Variants in CDH4 observed in about 807,000 individuals in gnomAD.
The protein encoded by CDH4 is cadherin 4, also known as cadherin-4.
A neutral mutation model predicts 86.0 loss-of-function variants in CDH4; 33 were observed. That is an observed-to-expected ratio of 0.38 (90% CI 0.29 to 0.51). CDH4 has a LOEUF of 0.51. CDH4 is among the 20% of genes least tolerant of loss of function. The pLI, the probability that CDH4 is intolerant of heterozygous loss-of-function variation, is 0.86. For missense variants in CDH4, 1,114 were observed against 1,307.4 expected (o/e 0.85, Z 2.28); for synonymous variants, 555 against 549.4 (o/e 1.01, Z -0.14).
At chr20:61,700,684 C>T (rs1016491293) in intron 2 of CDH4, among the ~76,000 whole-genome samples, 2 of 152,122 alleles carry the variant, frequency 1.3e-5, no homozygotes, top group African/African-American at 4.8e-5. Flanking sequence ...CATACGGCCT[C>T]CCTGTGGGGC....
At chr20:61,319,409 A>G (rs1600862562) in intron 2 of CDH4, among the ~76,000 whole-genome samples, 1 of 152,114 alleles carries the variant, frequency 6.6e-6, no homozygotes, top group Non-Finnish European at 1.5e-5. Flanking sequence ...AGTGCATCAC[A>G]TGTGCAGCCT....
rs866374333 is a variant in CDH4, at chr20:61,392,258, C to T, written c.169+137321C>T. ...ATGCTGCCTCTGGGCTGGGGAGGGACAGGAACCCGAGGCAGATCCTTCCAC... is the reference window on the plus strand; with the variant it reads ...ATGCTGCCTCTGGGCTGGGGAGGGATAGGAACCCGAGGCAGATCCTTCCAC... On this transcript the variant is annotated intron_variant, in intron 2 of 15. Transcript: ENST00000614565. This position sits in a 1 kb window ranked among gnomAD's most constrained non-coding sequence, Gnocchi z 5.7. 1.3e-5 allele frequency among the ~76,000 whole-genome samples: 2 copies of T among 152,044 alleles called. No individual in the cohort carries two copies. Among genetic ancestry groups the T allele is most frequent in the South Asian group, 2.1e-4 (1 of 4,766 alleles).
intron 3 of CDH4, among the ~76,000 whole-genome samples, chr20:61,750,624 G>A (rs1455229773): frequency 6.6e-6 from 1 of 152,126 alleles, no homozygotes; most frequent in Non-Finnish European, 1.5e-5. Context: ...ATCCTTATAG[G>A]GAGGATACAC....
chr20:61,858,795 A>G (rs528293824), intron 6 of CDH4, among the ~76,000 whole-genome samples: 50 of 152,272 alleles, frequency 3.3e-4, no homozygotes, highest in African/African-American at 1.2e-3. Context: ...ACCGCGGCTT[A>G]TGAGCCATCC....
intron 2 of CDH4, among the ~76,000 whole-genome samples, chr20:61,549,383 C>A (rs1485409573): frequency 6.6e-6 from 1 of 152,182 alleles, no homozygotes; most frequent in Non-Finnish European, 1.5e-5. Context: ...AAAGGCTCTT[C>A]AGACCCACAC....
At chr20:61,414,665 C>T (rs879307541) in intron 2 of CDH4, among the ~76,000 whole-genome samples, 2 of 152,180 alleles carry the variant, frequency 1.3e-5, no homozygotes, top group Non-Finnish European at 2.9e-5. Context: ...TAAACAGGGG[C>T]TTGCTGGCAG....
chr20:61,668,177 C>G (rs991794106), intron 2 of CDH4, among the ~76,000 whole-genome samples: 2 of 152,198 alleles, frequency 1.3e-5, no homozygotes, highest in Non-Finnish European at 2.9e-5. Context: ...CCAGGGAAGC[C>G]GAGCTTTTAT....
intron 2 of CDH4, among the ~76,000 whole-genome samples, chr20:61,661,329 G>C (rs1037633229): frequency 6.6e-6 from 1 of 152,218 alleles, no homozygotes; most frequent in African/African-American, 2.4e-5. Context: ...CATAAGTCTT[G>C]TGTTTTCAGC....
intron 2 of CDH4, among the ~76,000 whole-genome samples, chr20:61,477,921 C>T (rs924827055): frequency 3.3e-5 from 5 of 152,160 alleles, no homozygotes; most frequent in African/African-American, 7.2e-5. Flanking sequence ...AATCATCCCT[C>T]TCTCTCTCCG....
rs2088542990 is a variant in CDH4 at position 61,754,896 on chromosome 20, C to G, written c.396+11107C>G. On this transcript the variant is annotated intron_variant, in intron 3 of 15. Transcript: ENST00000614565. This position sits in a 1 kb window ranked among gnomAD's most constrained non-coding sequence, Gnocchi z 4.7. ...ACACCACACATATACCCTGCACATA[C>G]CACACACAGAGTGCGTGCCTGTATT... 6.6e-6 allele frequency: 1 copy of G among 151,882 alleles called. No homozygotes were observed. Among genetic ancestry groups the G allele is most frequent in the Admixed American group, 6.6e-5 (1 of 15,054 alleles). The allele number at this position is 151,882 out of a possible 1,614,324, so 9.4% of individuals were successfully genotyped here.
chr20:61,535,372 T>A (rs2085988800), intron 2 of CDH4, among the ~76,000 whole-genome samples: 1 of 152,034 alleles, frequency 6.6e-6, no homozygotes, highest in South Asian at 2.1e-4. Context: ...TGGGCACGGA[T>A]CCCATCCCCA....
At chr20:61,876,703 G>A (rs987992291) in intron 7 of CDH4, among the ~76,000 whole-genome samples, 43 of 152,076 alleles carry the variant, frequency 2.8e-4, no homozygotes, top group African/African-American at 9.4e-4. Context: ...GTTTCGTGTC[G>A]GTCCGCCCTC....
chr20:61,767,760 G>A (rs2088717487), intron 3 of CDH4, among the ~76,000 whole-genome samples: 1 of 152,176 alleles, frequency 6.6e-6, no homozygotes, highest in African/African-American at 2.4e-5. Flanking sequence ...TGTGGGGTAT[G>A]GGACACTGCA....
At chr20:61,475,544 C>CTCTCTCTTTCCA (rs2145573221) in intron 2 of CDH4, among the ~76,000 whole-genome samples, 1 of 1,148 alleles carries the variant, frequency 8.7e-4, no homozygotes, top group Admixed American at 0.011. Context: ...CCCTCCCTCT[C>CTCTCTCTTTCCA]TCCCTGCCCC....
In CDH4 at chr20:61,807,112, G is replaced by GCAGCCCCGC. The variant is rs1213281362; in HGVS notation, c.576+33938_576+33946dup. ...CTGATCTATGAGCTCCCAGGGCCCC[G>GCAGCCCCGC]CAGCCCCGCCAGCCCCCAGCTGCAA... On this transcript the variant is annotated intron_variant, in intron 4 of 15. Transcript: ENST00000614565. This position sits in a 1 kb window ranked among gnomAD's most constrained non-coding sequence, Gnocchi z 4.5. 6.6e-6 allele frequency among the ~76,000 whole-genome samples: 1 copy of GCAGCCCCGC among 152,216 alleles called. No homozygotes were observed. Among genetic ancestry groups the GCAGCCCCGC allele is most frequent in the African/African-American group, 2.4e-5 (1 of 41,462 alleles).
intron 6 of CDH4, among the ~76,000 whole-genome samples, chr20:61,863,353 G>A (rs951996813): frequency 5.3e-5 from 8 of 152,180 alleles, no homozygotes; most frequent in Non-Finnish European, 8.8e-5. Context: ...TGTCTGCTGG[G>A]GGAGAAGGAG....
intron 6 of CDH4, among the ~76,000 whole-genome samples, chr20:61,867,000 C>A (rs747592243): frequency 6.6e-6 from 1 of 152,190 alleles, no homozygotes; most frequent in Admixed American, 6.5e-5. Context: ...ATGATGCCGA[C>A]GGCTGGGGGT....
intron 2 of CDH4, among the ~76,000 whole-genome samples, chr20:61,678,069 A>C (rs1011131459): frequency 2.6e-5 from 4 of 152,134 alleles, no homozygotes; most frequent in Non-Finnish European, 5.9e-5. Context: ...TAGATGCTGC[A>C]TGCATACACA....
chr20:61,297,680 C>T (rs1336720208), intron 2 of CDH4, among the ~76,000 whole-genome samples: 1 of 152,238 alleles, frequency 6.6e-6, no homozygotes, highest in African/African-American at 2.4e-5. Context: ...TCTGTCCTGC[C>T]ACCTAGAGCA....
Sources: allele counts gnomAD v4.1 joint callset (sites outside exome capture counted in the v4.1 genomes callset), GRCh38; gene constraint gnomAD v4.1.1; non-coding constraint Gnocchi (gnomAD v3.1); transcripts MANE v1.5; gene names NCBI Gene and HGNC (gene_info 2026-07-23, HGNC 2026-07-21).